Variants in ABCA12 observed in about 807,000 individuals in gnomAD.
ABCA12 encodes glucosylceramide transporter ABCA12.
In ABCA12, 156 loss-of-function variants were observed where a neutral mutation model predicts 293.5. That is an observed-to-expected ratio of 0.53 (90% CI 0.47 to 0.61). The LOEUF (loss-of-function observed/expected upper bound fraction) is 0.61, where lower values mean the gene tolerates loss of function less well. ABCA12 is among the 20% of genes least tolerant of loss of function. The probability of loss-of-function intolerance (pLI) is 0.00; values close to 1 mark genes in which losing one functional copy is unlikely to be tolerated. For missense variants in ABCA12, 2,797 were observed against 3,090.2 expected (o/e 0.91, Z 2.25); for synonymous variants, 1,063 against 1,108.0 (o/e 0.96, Z 0.81).
At chr2:215,132,022 G>A (rs1162022226) in intron 1 of ABCA12, among the ~76,000 whole-genome samples, 1 of 151,756 alleles carries the variant, frequency 6.6e-6, no homozygotes, top group Non-Finnish European at 1.5e-5. Flanking sequence ...AAGTTGTTTA[G>A]TTTCCATGTA....
intron 8 of ABCA12, among the ~76,000 whole-genome samples, chr2:215,032,819 G>C (rs1321215941): frequency 6.6e-6 from 1 of 152,080 alleles, no homozygotes; most frequent in Non-Finnish European, 1.5e-5. Context: ...CATTTTCAAT[G>C]GGATATTTTA....
chr2:214,949,541 G>A (rs1447181018), intron 45 of ABCA12, among the ~76,000 whole-genome samples: 1 of 152,048 alleles, frequency 6.6e-6, no homozygotes, highest in East Asian at 1.9e-4. Context: ...CAACTTCACT[G>A]AATAAACTAT....
chr2:215,103,787 AGTTTT>A (rs534371910), intron 2 of ABCA12, among the ~76,000 whole-genome samples: 4 of 152,110 alleles, frequency 2.6e-5, no homozygotes, highest in African/African-American at 9.7e-5. Flanking sequence ...TGTTTAGTTT[AGTTTT>A]GTTTTGTTTT....
In ABCA12 at chr2:214,997,869, G is replaced by A. The variant is rs1269309126; in HGVS notation, c.3180-60C>T. Reference sequence around the variant, plus strand: ...CCAAAATGAACACCATACTTGCAGAGATTATAATATATAAAGAACTCACTC... The same window carrying A: ...CCAAAATGAACACCATACTTGCAGAAATTATAATATATAAAGAACTCACTC... On this transcript the variant is annotated intron_variant, in intron 22 of 52. Coordinates refer to ENST00000272895, the MANE Select transcript of ABCA12 (RefSeq NM_173076.3). The A allele has an allele frequency of 1.7e-5, 17 of 977,674 alleles. No homozygotes were observed. In the Admixed American group the frequency reaches 2.9e-4, roughly 17 times the overall value. 60.6% of individuals were successfully genotyped at this position (977,674 alleles called of 1,614,324 possible). A position where few individuals can be genotyped will look rare whatever the true frequency, so the allele number is the denominator to read the frequency against.
chr2:214,988,652 C>T lies in ABCA12; in HGVS notation c.3829+677G>A, dbSNP rs117921062. Among the ~76,000 whole-genome samples the T allele has an allele frequency of 1.0e-3, 156 of 152,242 alleles. 1 individual carries two copies. In the East Asian group the frequency reaches 0.025, roughly 24 times the overall value. ...TTCCGTTAGAATCTGGTAAATTCTC[C>T]TTAGAATTAGGAGATTTGGTTTTTC... is the stretch of plus-strand genomic sequence containing the variant. On this transcript the variant is annotated intron_variant, in intron 26 of 52. Coordinates refer to ENST00000272895, the MANE Select transcript of ABCA12 (RefSeq NM_173076.3).
chr2:214,955,269 A>G lies in ABCA12; in HGVS notation c.6326T>C (p.Phe2109Ser). ...CAGGGAAACAATGGAATTAATGCCA[A>G]AAAACAAGTTGACACAGACGTAAGT... ...FITYVCVNLF[F>S]GINSIVSLSV... Residue 2109 changes from phenylalanine to serine, a missense_variant, in exon 43 of 53, where the codon TTT becomes TCT. Phe to Ser is a radical substitution (Grantham distance 155). Around this residue, in one of 3 missense-constraint regions of ABCA12, gnomAD observed 2,130 missense variants for 2,427.0 expected, o/e 0.88. Transcript: ENST00000272895. 1 of 1,614,198 alleles carries G rather than the reference A, an allele frequency of 6.2e-7. No homozygotes were observed. Among genetic ancestry groups the G allele is most frequent in the Non-Finnish European group, 8.5e-7 (1 of 1,180,020 alleles).
chr2:215,082,606 T>C (rs1349752624), intron 2 of ABCA12: 2 of 152,232 alleles, frequency 1.3e-5, no homozygotes, highest in Admixed American at 6.5e-5. Flanking sequence ...AGCCTGATGG[T>C]CTTAAGCCTG....
chr2:215,003,436 T>G (rs1700184818), intron 20 of ABCA12, among the ~76,000 whole-genome samples: 1 of 152,188 alleles, frequency 6.6e-6, no homozygotes, highest in South Asian at 2.1e-4. Flanking sequence ...GCGTTTTTCT[T>G]GCTTTTGCTA....
chr2:215,082,191 C>T (rs938313327), intron 2 of ABCA12, among the ~76,000 whole-genome samples: 3 of 151,632 alleles, frequency 2.0e-5, no homozygotes, highest in African/African-American at 7.3e-5. Flanking sequence ...ATTACAGGTG[C>T]CCGCCACCGT....
chr2:215,118,411 T>A (rs1490234154), intron 1 of ABCA12, among the ~76,000 whole-genome samples: 2 of 151,566 alleles, frequency 1.3e-5, no homozygotes, highest in African/African-American at 4.8e-5. Flanking sequence ...CAAAAAAAAA[T>A]TAATTAATAA....
chr2:215,051,920 T>A (rs1406907811), intron 5 of ABCA12, among the ~76,000 whole-genome samples: 3 of 151,992 alleles, frequency 2.0e-5, no homozygotes, highest in Admixed American at 6.6e-5. Flanking sequence ...GTACACACAC[T>A]CACACACACA....
At chr2:215,047,830 T>G (rs73072699) in intron 6 of ABCA12, among the ~76,000 whole-genome samples, 21,930 of 152,102 alleles carry the variant, frequency 0.14, 4,772 homozygotes, top group African/African-American at 0.47. Context: ...TGGGATCTAA[T>G]TAAACTTAAC....
At chr2:214,945,304 C>T (rs74978239) in intron 48 of ABCA12, among the ~76,000 whole-genome samples, 200 bp from the exon 49 acceptor site, 2,562 of 152,180 alleles carry the variant, frequency 0.017, 73 homozygotes, top group African/African-American at 0.054. Context: ...CAATCTGTTT[C>T]AAAAAGTGTC....
At chr2:215,067,429 AC>A (rs1701659297) in intron 2 of ABCA12, among the ~76,000 whole-genome samples, 3 of 152,122 alleles carry the variant, frequency 2.0e-5, no homozygotes, top group Admixed American at 2.0e-4. Context: ...GCAGCCCTAT[AC>A]AAGTAAAAAT....
intron 21 of ABCA12, 124 bp from the exon 22 acceptor site, chr2:215,001,144 A>G: frequency 1.1e-6 from 1 of 939,012 alleles, no homozygotes; most frequent in Non-Finnish European, 1.6e-6. Context: ...CAGTAGGTTC[A>G]GGTTCTTAAT....
chr2:215,026,719 C>T (rs1700752665), intron 10 of ABCA12, 101 bp downstream of exon 10: 1 of 979,448 alleles, frequency 1.0e-6, no homozygotes, highest in Non-Finnish European at 1.7e-6. Context: ...TAAGATTTTA[C>T]AAATTTTCTT....
At chr2:214,991,072 T>G (rs1228003285) in intron 23 of ABCA12, 41 bp from the exon 24 acceptor site, 2 of 1,557,538 alleles carry the variant, frequency 1.3e-6, no homozygotes, top group Admixed American at 1.7e-5. Flanking sequence ...TATGCTGATA[T>G]TCTTCCAAAT....
intron 1 of ABCA12, among the ~76,000 whole-genome samples, chr2:215,117,337 G>A (rs1386483735): frequency 1.3e-5 from 2 of 152,136 alleles, no homozygotes; most frequent in Non-Finnish European, 1.5e-5. Context: ...TAATGATAAT[G>A]CCAGGGCACA....
intron 27 of ABCA12, among the ~76,000 whole-genome samples, chr2:214,987,201 G>A (rs949021191): frequency 6.6e-6 from 1 of 152,104 alleles, no homozygotes; most frequent in African/African-American, 2.4e-5. Flanking sequence ...TTAGTGGCCC[G>A]TACTCACTTT....
Sources: allele counts gnomAD v4.1 joint callset (sites outside exome capture counted in the v4.1 genomes callset), GRCh38; gene constraint gnomAD v4.1.1; regional missense constraint gnomAD v4.1.1; transcripts MANE v1.5; gene names NCBI Gene and HGNC (gene_info 2026-07-23, HGNC 2026-07-21).